Variants in CARMIL3 observed in about 807,000 individuals in gnomAD.
The protein encoded by CARMIL3 is capping protein, Arp2/3 and myosin-I linker protein 3.
Under a neutral mutation model 180.8 loss-of-function variants are expected in CARMIL3, and 88 were observed. That is an observed-to-expected ratio of 0.49 (90% CI 0.41 to 0.58). The LOEUF (loss-of-function observed/expected upper bound fraction) is 0.58. CARMIL3 is among the 20% of genes least tolerant of loss of function. The pLI, the probability that CARMIL3 is intolerant of heterozygous loss-of-function variation, is 0.00. For missense variants in CARMIL3, 1,548 were observed against 1,787.0 expected (o/e 0.87, Z 2.41); for synonymous variants, 696 against 714.5 (o/e 0.97, Z 0.41).
Position 24,064,068 on chromosome 14 carries a change from T to C in CARMIL3, c.2980-178T>C, listed in dbSNP as rs1594553253. Among the ~76,000 whole-genome samples the C allele has an allele frequency of 2.2e-5, 3 of 134,390 alleles. No homozygotes were observed. In the South Asian group the frequency reaches 6.9e-4, roughly 31 times the overall value. The allele number at this position is 134,390 out of a possible 152,430, so 88.2% of individuals were successfully genotyped here. A position where few individuals can be genotyped will look rare whatever the true frequency, so the allele number is the denominator to read the frequency against. On this transcript the variant is annotated intron_variant, in intron 31 of 39. Coordinates refer to ENST00000342740, the MANE Select transcript of CARMIL3 (RefSeq NM_138360.4). ...AAAATCATGCCACTGCACTCCAGCCTGGGTGACAGAGCAAGACTCCGTCTC... is the reference window on the plus strand; with the variant it reads ...AAAATCATGCCACTGCACTCCAGCCCGGGTGACAGAGCAAGACTCCGTCTC...
Position 24,060,142 on chromosome 14 carries a change from C to T in CARMIL3, c.1963-15C>T, listed in dbSNP as rs2035717845. 1.9e-6 allele frequency: 3 copies of T among 1,613,936 alleles called. No individual in the cohort carries two copies. The highest frequency in any genetic ancestry group is 2.7e-5 in the African/African-American group (2 of 74,954). On this transcript the variant is annotated splice_polypyrimidine_tract_variant and intron_variant, in intron 23 of 39. Coordinates refer to ENST00000342740, the MANE Select transcript of CARMIL3 (RefSeq NM_138360.4). ...CCATCCCCAGGCCCTGACCCACCAA[C>T]CCCATCATCTCCAGATCCAATGGTG... is the stretch of plus-strand genomic sequence containing the variant.
At position 24,069,141 on chromosome 14, in the gene CARMIL3, C is replaced by G. The variant is rs1301911407; in HGVS notation, c.3987C>G (p.Pro1329=). 5.6e-6 allele frequency: 9 copies of G among 1,613,896 alleles called. No individual in the cohort carries two copies. The African/African-American group carries it at 1.1e-4, about 19-fold the overall frequency. Reference sequence around the variant, plus strand: ...CTGCCTTGATTGTTATTTCAGGGCCCCCTGATCCAGGCCGGCGGACTGCCC... The same window carrying G: ...CTGCCTTGATTGTTATTTCAGGGCCGCCTGATCCAGGCCGGCGGACTGCCC... The part of the protein sequence containing the change: ...QDQEEPEVQG[P]PDPGRRTAPL... The change falls in exon 39 of 40, where the codon CCC becomes CCG. Residue 1329 remains proline (P), a synonymous_variant. Transcript: ENST00000342740.
At position 24,054,921 on chromosome 14, in the gene CARMIL3, C is replaced by T; in HGVS notation, c.460+113C>T. 7.4e-7 allele frequency: 1 copy of T among 1,356,892 alleles called. No individual in the cohort carries two copies. The highest frequency in any genetic ancestry group is 1.0e-6 in the Non-Finnish European group (1 of 967,630). The allele number at this position is 1,356,892 out of a possible 1,614,324, so 84.1% of individuals were successfully genotyped here. A position where few individuals can be genotyped will look rare whatever the true frequency, so the allele number is the denominator to read the frequency against. On this transcript the variant is annotated intron_variant, in intron 6 of 39. Coordinates refer to ENST00000342740, the MANE Select transcript of CARMIL3 (RefSeq NM_138360.4). The surrounding 1 kb of genome is among the most constrained non-coding windows in gnomAD (Gnocchi z 5.1). ...GGGCGGGCTTTGCCTGCCTGAAGGA[C>T]TCCCAGCTCCCAGACCTCAGGAAGT...
chr14:24,059,309 C>T lies in CARMIL3; in HGVS notation c.1666C>T (p.Leu556Phe), dbSNP rs2035706032. 1.9e-6 allele frequency: 3 copies of T among 1,613,970 alleles called. No individual in the cohort carries two copies. The South Asian group carries it at 3.3e-5, about 18-fold the overall frequency. ...SLSVADSRLK[L>F]RTSILINALG... ...GTCGGTGGCAGACTCCCGGCTGAAG[C>T]TTCGCACCAGCATCCTCATCAATGC... The change falls in exon 21 of 40, where the codon CTT becomes TTT. Residue 556 changes from leucine (L) to phenylalanine (F), a missense_variant. By Grantham distance (22) the Leu-to-Phe change is conservative. Transcript: ENST00000342740. The surrounding 1 kb of genome is among the most constrained non-coding windows in gnomAD (Gnocchi z 6.3).
intron 34 of CARMIL3, 150 bp from the exon 35 acceptor site, chr14:24,066,248 G>A (rs1485885642): frequency 1.2e-6 from 1 of 847,074 alleles, no homozygotes; most frequent in African/African-American, 1.7e-5. Context: ...CCCTGGGGAG[G>A]TATGGGTGCC....
At position 24,062,537 on chromosome 14, in the gene CARMIL3, G is replaced by C; in HGVS notation, c.2538G>C (p.Leu846=). 1 of 1,614,204 alleles carries C rather than the reference G, an allele frequency of 6.2e-7. No homozygotes were observed. Among genetic ancestry groups the C allele is most frequent in the South Asian group, 1.1e-5 (1 of 91,088 alleles). Residue 846 remains leucine, a synonymous_variant, in exon 28 of 40, where the codon CTG becomes CTC. Coordinates refer to ENST00000342740, the MANE Select transcript of CARMIL3 (RefSeq NM_138360.4). Reference sequence around the variant, plus strand: ...CCAGCTCCATAGTGGATGAGATCCTGCAAGAGCTCTACCATTCCCACAAGA... The same window carrying C: ...CCAGCTCCATAGTGGATGAGATCCTCCAAGAGCTCTACCATTCCCACAAGA... ...YLTSSIVDEI[L]QELYHSHKSL...
chr14:24,065,402 A>G (rs1050299944), intron 33 of CARMIL3, 129 bp downstream of exon 33: 104 of 1,093,824 alleles, frequency 9.5e-5, no homozygotes, highest in Middle Eastern at 3.1e-4. Context: ...GGTCATTTCA[A>G]TTCTCCTCTC....
intron 1 of CARMIL3, among the ~76,000 whole-genome samples, chr14:24,053,377 G>A (rs180737212): frequency 1.3e-5 from 2 of 152,138 alleles, no homozygotes; most frequent in East Asian, 3.9e-4. Context: ...GGCTGTTGTA[G>A]TGCATGGGTT....
intron 27 of CARMIL3, 131 bp from the exon 28 acceptor site, chr14:24,062,349 A>T: frequency 2.4e-6 from 2 of 832,252 alleles, no homozygotes; most frequent in Non-Finnish European, 4.2e-6. Flanking sequence ...TTCAGCAGCC[A>T]CATGCGCTCC....
rs543195032 is a variant in CARMIL3, at chr14:24,059,462, C to A, written c.1799+20C>A. 75 of 1,555,618 alleles carry A rather than the reference C, an allele frequency of 4.8e-5. No individual in the cohort carries two copies. Among genetic ancestry groups the A allele is most frequent in the Middle Eastern group, 3.6e-4 (2 of 5,554 alleles). On this transcript the variant is annotated intron_variant, in intron 21 of 39. Coordinates refer to ENST00000342740, the MANE Select transcript of CARMIL3 (RefSeq NM_138360.4). The surrounding 1 kb of genome is among the most constrained non-coding windows in gnomAD (Gnocchi z 6.3). ...CCTCAGGTGGGGCCCACACCGGGAC[C>A]CCCTGACCTGGAGCCCCAGCCCCTC...
At chr14:24,057,301 G>A in intron 14 of CARMIL3, 57 bp downstream of exon 14, 1 of 1,519,934 alleles carries the variant, frequency 6.6e-7, no homozygotes, top group Non-Finnish European at 9.1e-7. Flanking sequence ...ACCACAGTGG[G>A]CCTCGGTCTC....
rs1481749122 is a variant in CARMIL3, at chr14:24,060,198, C to T, written c.2004C>T (p.Cys668=). ...CLVRNNHSQT[C]PQEQAFRLQQ... Reference sequence around the variant, plus strand: ...TGAGGAACAACCACTCCCAGACGTGCCCCCAGGAGCAGGCCTTCAGGTTGC... The same window carrying T: ...TGAGGAACAACCACTCCCAGACGTGTCCCCAGGAGCAGGCCTTCAGGTTGC... Residue 668 remains cysteine (C), a synonymous_variant, in exon 24 of 40, where the codon TGC becomes TGT. Transcript: ENST00000342740. 6.2e-7 allele frequency: 1 copy of T among 1,614,148 alleles called. No homozygotes were observed. The highest frequency in any genetic ancestry group is 8.5e-7 in the Non-Finnish European group (1 of 1,180,040).
chr14:24,068,848 G>C lies in CARMIL3; in HGVS notation c.3864G>C (p.Gln1288His). 5 of 1,613,572 alleles carry C rather than the reference G, an allele frequency of 3.1e-6. No homozygotes were observed. Among genetic ancestry groups the C allele is most frequent in the Non-Finnish European group, 4.2e-6 (5 of 1,179,974 alleles). ...CAGTGGCTGTGCCCAGGGGCCGCCA[G>C]CCTCCCCAGGAGCCAGGGGTCAGGG... ...PKPVAVPRGR[Q>H]PPQEPGVREE... The change falls in exon 38 of 40, where the codon CAG becomes CAC. Residue 1288 changes from glutamine (Q) to histidine (H), a missense_variant. Physicochemically the swap from Gln to His is conservative, Grantham distance 24. Around this residue, in one of 4 missense-constraint regions of CARMIL3, gnomAD observed 668 missense variants for 687.8 expected, o/e 0.97. Transcript: ENST00000342740.
Position 24,068,002 on chromosome 14 carries a change from G to T in CARMIL3, c.3683-582G>T, listed in dbSNP as rs568220227. Among the ~76,000 whole-genome samples the T allele has an allele frequency of 4.6e-5, 7 of 152,376 alleles. No homozygotes were observed. In the South Asian group the frequency reaches 1.4e-3, roughly 32 times the overall value. On this transcript the variant is annotated intron_variant, in intron 36 of 39. Coordinates refer to ENST00000342740, the MANE Select transcript of CARMIL3 (RefSeq NM_138360.4). Reference sequence around the variant, plus strand: ...GCCCTGCCCCAGCAGGAAAGGGGTTGGGCACTGCTCTGCAAGAGGGACAGC... The same window carrying T: ...GCCCTGCCCCAGCAGGAAAGGGGTTTGGCACTGCTCTGCAAGAGGGACAGC...
intron 9 of CARMIL3, 40 bp downstream of exon 9, chr14:24,055,658 G>T: frequency 6.2e-7 from 1 of 1,613,444 alleles, no homozygotes; most frequent in South Asian, 1.1e-5. Flanking sequence ...GAGAAGTAGT[G>T]CCCCCCTTGG....
chr14:24,058,590 A>G lies in CARMIL3; in HGVS notation c.1393-90A>G. The G allele has an allele frequency of 1.0e-6, 1 of 993,606 alleles. No individual in the cohort carries two copies. The highest frequency in any genetic ancestry group is 1.5e-6 in the Non-Finnish European group (1 of 661,942). The allele number at this position is 993,606 out of a possible 1,614,324, so 61.5% of individuals were successfully genotyped here. On this transcript the variant is annotated intron_variant, in intron 17 of 39. Transcript: ENST00000342740. This position sits in a 1 kb window ranked among gnomAD's most constrained non-coding sequence, Gnocchi z 6.4. ...ACACCCAGATCCTGGCATGACTTTG[A>G]GTTCTGGTGTGACTACTATATCCTA...
chr14:24,061,393 C>T lies in CARMIL3; in HGVS notation c.2305-104C>T. ...AGTTTTGTGACTTAGGCAGGTCCCT[C>T]AGTCTCAGCAGGAGGGGCTGGAATA... On this transcript the variant is annotated intron_variant, in intron 26 of 39. Transcript: ENST00000342740. This position sits in a 1 kb window ranked among gnomAD's most constrained non-coding sequence, Gnocchi z 4.1. The T allele has an allele frequency of 8.3e-7, 1 of 1,204,022 alleles. No individual in the cohort carries two copies. The allele number at this position is 1,204,022 out of a possible 1,614,324, so 74.6% of individuals were successfully genotyped here. A position where few individuals can be genotyped will look rare whatever the true frequency, so the allele number is the denominator to read the frequency against.
In CARMIL3 at chr14:24,054,328, T is replaced by C. The variant is rs2035650260; in HGVS notation, c.246+27T>C. 6.2e-7 allele frequency: 1 copy of C among 1,613,900 alleles called. No homozygotes were observed. Among genetic ancestry groups the C allele is most frequent in the South Asian group, 1.1e-5 (1 of 91,074 alleles). On this transcript the variant is annotated intron_variant, in intron 4 of 39. Transcript: ENST00000342740. The surrounding 1 kb of genome is among the most constrained non-coding windows in gnomAD (Gnocchi z 5.1). ...TGAGTACCAGGGCTTTGGGCCCCAC[T>C]ACTGGGCCAGCTGGAGGAGGGAGCA... is the stretch of plus-strand genomic sequence containing the variant.
rs1013113904 is a variant in CARMIL3, at chr14:24,059,509, T to G, written c.1799+67T>G. ...CCTCCCCATATGTACATAATCTCCC[T>G]GCTTTCCTTGATGCTCTGGACCCCA... On this transcript the variant is annotated intron_variant, in intron 21 of 39. Transcript: ENST00000342740. This position sits in a 1 kb window ranked among gnomAD's most constrained non-coding sequence, Gnocchi z 6.3. 26 of 1,529,862 alleles carry G rather than the reference T, an allele frequency of 1.7e-5. No individual in the cohort carries two copies. The South Asian group carries it at 3.0e-4, about 18-fold the overall frequency. The allele number at this position is 1,529,862 out of a possible 1,614,324, so 94.8% of individuals were successfully genotyped here. A position where few individuals can be genotyped will look rare whatever the true frequency, so the allele number is the denominator to read the frequency against.
Sources: gnomAD v4.1 joint callset for allele counts (sites outside exome capture counted in the v4.1 genomes callset) on GRCh38, gnomAD v4.1.1 for gene constraint, gnomAD v4.1.1 regional missense constraint, Gnocchi (gnomAD v3.1) non-coding constraint, MANE v1.5 for transcripts, NCBI Gene and HGNC (gene_info 2026-07-23, HGNC 2026-07-21) for gene names.